The following DACH1 variants were observed in gnomAD, a reference collection of about 807,000 sequenced individuals.
DACH1 encodes the protein dachshund family transcription factor 1, also known as dachshund homolog 1.
Under a neutral mutation model 54.2 loss-of-function variants are expected in DACH1, and 12 were observed. That is an observed-to-expected ratio of 0.22 (90% CI 0.14 to 0.36). The LOEUF is 0.36. Ranked by LOEUF, DACH1 falls within the 10% of genes least tolerant of loss-of-function variation. The pLI is 1.00. For missense variants in DACH1, 805 were observed against 929.8 expected, an observed-to-expected ratio of 0.87 and a Z score of 1.75; for synonymous variants, 386 against 366.2, an observed-to-expected ratio of 1.05 and a Z score of -0.62.
At chr13:71,454,477 C>G (rs1268663430) in intron 10 of DACH1, among the ~76,000 whole-genome samples, 5 of 152,138 alleles carry the variant, frequency 3.3e-5, no homozygotes, top group Non-Finnish European at 7.3e-5. Context: ...ATGTCACTTT[C>G]AAGATTAGGT....
chr13:71,447,041 G>GT (rs1460873381), intron 10 of DACH1, among the ~76,000 whole-genome samples: 2 of 152,154 alleles, frequency 1.3e-5, no homozygotes, highest in Admixed American at 1.3e-4. Context: ...AAAGTTCATT[G>GT]TGATTTGATG....
intron 1 of DACH1, among the ~76,000 whole-genome samples, chr13:71,774,873 A>T (rs1885997087): frequency 6.6e-6 from 1 of 152,128 alleles, no homozygotes; most frequent in Non-Finnish European, 1.5e-5. Flanking sequence ...TCATCAACAC[A>T]GGCCATTGTT....
At chr13:71,475,298 T>C in intron 9 of DACH1, 89 bp from the exon 10 acceptor site, 1 of 1,056,090 alleles carries the variant, frequency 9.5e-7, no homozygotes, top group South Asian at 1.4e-5. Flanking sequence ...ACTTTGGTGC[T>C]GAATTAAAAT....
rs140616955 is a variant in DACH1, at chr13:71,497,927, C to A, written c.1571-8779G>T. Among the ~76,000 whole-genome samples, 37 of 151,566 alleles carry A rather than the reference C, an allele frequency of 2.4e-4. 1 individual carries two copies. The South Asian group carries it at 2.7e-3, about 11-fold the overall frequency. ...AGATACACAGACACACACACACATA[C>A]ACACACAGTACAGGTTTTGCAGAAA... is the stretch of plus-strand genomic sequence containing the variant. On this transcript the variant is annotated intron_variant, in intron 6 of 10. Transcript: ENST00000613252.
At chr13:71,620,757 A>G (rs868128004) in intron 3 of DACH1, among the ~76,000 whole-genome samples, 2 of 152,056 alleles carry the variant, frequency 1.3e-5, no homozygotes, top group Admixed American at 6.6e-5. Flanking sequence ...ATGTTTTATG[A>G]GGATGATGAT....
intron 1 of DACH1, among the ~76,000 whole-genome samples, chr13:71,863,210 A>G (rs1302295646): frequency 6.6e-6 from 1 of 152,178 alleles, no homozygotes; most frequent in Non-Finnish European, 1.5e-5. Context: ...ATCATTAAAA[A>G]TAATAATATA....
intron 8 of DACH1, 143 bp downstream of exon 8, chr13:71,479,026 G>A (rs1877809457): frequency 1.4e-6 from 1 of 695,134 alleles, no homozygotes; most frequent in South Asian, 2.8e-5. Context: ...AATACAATGA[G>A]CCTAGGATTC....
At chr13:71,673,944 C>G (rs577300322) in intron 2 of DACH1, among the ~76,000 whole-genome samples, 2 of 152,128 alleles carry the variant, frequency 1.3e-5, no homozygotes, top group African/African-American at 2.4e-5. Context: ...AGGCTCTACA[C>G]GCTGCATCTT....
intron 2 of DACH1, among the ~76,000 whole-genome samples, chr13:71,636,979 T>G (rs773717138): frequency 7.2e-5 from 11 of 152,170 alleles, no homozygotes; most frequent in Non-Finnish European, 1.5e-4. Flanking sequence ...GTCAATTTCT[T>G]TTACTTTTAT....
At chr13:71,529,585 G>C (rs1882275318) in intron 6 of DACH1, among the ~76,000 whole-genome samples, 1 of 152,092 alleles carries the variant, frequency 6.6e-6, no homozygotes, top group Non-Finnish European at 1.5e-5. Context: ...TCTCTCTCTT[G>C]TGCTATGCTG....
At chr13:71,589,658 A>T (rs1041371134) in intron 3 of DACH1, among the ~76,000 whole-genome samples, 6 of 151,898 alleles carry the variant, frequency 4.0e-5, no homozygotes, top group African/African-American at 1.4e-4. Flanking sequence ...ATTGATATTG[A>T]CGTTTTGATT....
chr13:71,620,104 T>C (rs567209065), intron 3 of DACH1, among the ~76,000 whole-genome samples: 1 of 151,974 alleles, frequency 6.6e-6, no homozygotes, highest in Non-Finnish European at 1.5e-5. Flanking sequence ...AATATTTTTA[T>C]GTAAAGTGAA....
chr13:71,816,749 C>T (rs906468294), intron 1 of DACH1, among the ~76,000 whole-genome samples: 1 of 151,582 alleles, frequency 6.6e-6, no homozygotes, highest in African/African-American at 2.4e-5. Flanking sequence ...GAACAGATCA[C>T]GTCCTTTGCA....
chr13:71,446,653 C>A (rs1471021345), intron 10 of DACH1, among the ~76,000 whole-genome samples: 2 of 152,130 alleles, frequency 1.3e-5, no homozygotes, highest in Non-Finnish European at 2.9e-5. Context: ...AGCAACTGGA[C>A]TGTCCCTGGA....
intron 1 of DACH1, among the ~76,000 whole-genome samples, chr13:71,690,660 G>A (rs1292562800): frequency 2.6e-5 from 4 of 152,132 alleles, no homozygotes; most frequent in African/African-American, 9.7e-5. Context: ...GCCCAGGTGC[G>A]GTGGCTCACG....
chr13:71,692,314 A>G (rs1594102946), intron 1 of DACH1, among the ~76,000 whole-genome samples: 1 of 152,008 alleles, frequency 6.6e-6, no homozygotes. Context: ...AGTCCAGCAC[A>G]TAATTATTCT....
chr13:71,638,021 T>C (rs781454285), intron 2 of DACH1, among the ~76,000 whole-genome samples: 48 of 152,314 alleles, frequency 3.2e-4, no homozygotes, highest in Middle Eastern at 3.4e-3. Context: ...ATAAAATGCA[T>C]TTCCTCAAAT....
chr13:71,671,870 G>A (rs898330785), intron 2 of DACH1, among the ~76,000 whole-genome samples: 6 of 152,082 alleles, frequency 3.9e-5, no homozygotes, highest in South Asian at 4.2e-4. Context: ...TCTTTCTTAC[G>A]GAAGCCAATG....
In DACH1 at chr13:71,866,342, CTGCTGCTGCTGCCGG is replaced by C; in HGVS notation, c.413_427del (p.Thr138_Ser142del). 3.3e-6 allele frequency: 5 copies of C among 1,534,932 alleles called. No homozygotes were observed. The highest frequency in any genetic ancestry group is 4.4e-6 in the Non-Finnish European group (5 of 1,140,920). On this transcript the variant is annotated inframe_deletion, in exon 1 of 11. Transcript: ENST00000613252. ...GCTGCTGCTGCTGCTGCTACTGCTGCTGCTGCTGCTGCCGGTGCTGGCGTTGATGGGGGTGCTGGA... is the reference window on the plus strand; with the variant it reads ...GCTGCTGCTGCTGCTGCTACTGCTGCTGCTGGCGTTGATGGGGGTGCTGGA...
Sources: allele counts gnomAD v4.1 joint callset (sites outside exome capture counted in the v4.1 genomes callset), GRCh38; gene constraint gnomAD v4.1.1; transcripts MANE v1.5; gene names NCBI Gene and HGNC (gene_info 2026-07-23, HGNC 2026-07-21).